Variants in PHACTR2 observed in about 807,000 individuals in gnomAD.
The protein encoded by PHACTR2 is chromosome 6 open reading frame 56.
In PHACTR2, 30 loss-of-function variants were observed where a neutral mutation model predicts 76.0. That is an observed-to-expected ratio of 0.39 (90% CI 0.30 to 0.54). PHACTR2 has a LOEUF of 0.54. Among genes scored for constraint, PHACTR2 ranks in the 20% least tolerant of loss-of-function variants. PHACTR2 has a pLI of 0.61. For missense variants in PHACTR2, 696 were observed against 781.1 expected, an observed-to-expected ratio of 0.89 and a Z score of 1.30; for synonymous variants, 292 against 292.5, an observed-to-expected ratio of 1.00 and a Z score of 0.02.
chr6:143,632,394 G>A (rs1226548988), intron 1 of PHACTR2, among the ~76,000 whole-genome samples: 2 of 152,166 alleles, frequency 1.3e-5, no homozygotes, highest in Non-Finnish European at 1.5e-5. Context: ...GCTAGAATTT[G>A]CAAATAAAGG....
At position 143,772,142 on chromosome 6, in the gene PHACTR2, C is replaced by G; in HGVS notation, c.1233-116C>G. 1 of 716,554 alleles carries G rather than the reference C, an allele frequency of 1.4e-6. No homozygotes were observed. The highest frequency in any genetic ancestry group is 1.6e-5 in the South Asian group (1 of 61,274). 44.4% of individuals were successfully genotyped at this position (716,554 alleles called of 1,614,324 possible). A position where few individuals can be genotyped will look rare whatever the true frequency, so the allele number is the denominator to read the frequency against. On this transcript the variant is annotated intron_variant, in intron 6 of 12. Transcript: ENST00000440869. This position sits in a 1 kb window ranked among gnomAD's most constrained non-coding sequence, Gnocchi z 5.4. Reference sequence around the variant, plus strand: ...CTTTAGCCTGGCCTATGTCAAGTGTCTGCTTTCCTCAGCCTGAAGGAAGCC... The same window carrying G: ...CTTTAGCCTGGCCTATGTCAAGTGTGTGCTTTCCTCAGCCTGAAGGAAGCC...
rs1582864088 is a variant in PHACTR2, at chr6:143,771,300, A to G, written c.1233-958A>G. Among the ~76,000 whole-genome samples the G allele has an allele frequency of 2.8e-5, 4 of 142,660 alleles. No homozygotes were observed. The East Asian group carries it at 8.1e-4, about 29-fold the overall frequency. The allele number at this position is 142,660 out of a possible 152,430, so 93.6% of individuals were successfully genotyped here. A position where few individuals can be genotyped will look rare whatever the true frequency, so the allele number is the denominator to read the frequency against. On this transcript the variant is annotated intron_variant, in intron 6 of 12. Transcript: ENST00000440869. ...ACCCAGGCTGGAGTACAGTGGTGCT[A>G]GCATGGCTCACTGCAGTCTCGATTT...
At chr6:143,582,195 C>T (rs1367195279) in intron 1 of PHACTR2, among the ~76,000 whole-genome samples, 1 of 152,142 alleles carries the variant, frequency 6.6e-6, no homozygotes, top group Non-Finnish European at 1.5e-5. Context: ...GCACCCAGCA[C>T]AATTCAGAGC....
chr6:143,651,754 T>C (rs1582737373), intron 1 of PHACTR2, among the ~76,000 whole-genome samples: 1 of 151,934 alleles, frequency 6.6e-6, no homozygotes, highest in East Asian at 1.9e-4. Context: ...GGGCTTAATA[T>C]CTAGGTGATG....
Position 143,627,011 on chromosome 6 carries a change from C to A in PHACTR2, c.13+18689C>A, listed in dbSNP as rs12202402. The stretch of plus-strand genomic sequence containing the variant: ...TTAGTGCTTTCCTTTGCCAACTTGG[C>A]GCTTCCTGCTCAGTGTATGTCAATA... On this transcript the variant is annotated intron_variant, in intron 1 of 11. Coordinates refer to the PHACTR2 transcript ENST00000305766. The surrounding 1 kb of genome is among the most constrained non-coding windows in gnomAD (Gnocchi z 4.3). Among the ~76,000 whole-genome samples the A allele has an allele frequency of 0.57, 86,684 of 152,144 alleles. 26,710 individuals are homozygous for A. The highest frequency in any genetic ancestry group is 0.7 in the Non-Finnish European group (47,847 of 67,992).
intron 6 of PHACTR2, among the ~76,000 whole-genome samples, chr6:143,771,188 A>ATG (rs1206917465): frequency 0.013 from 209 of 16,266 alleles, 3 homozygotes; most frequent in South Asian, 0.033. Flanking sequence ...ATATATATAT[A>ATG]TGTGTGTATA....
chr6:143,594,534 T>A (rs1775726822), intron 1 of PHACTR2, among the ~76,000 whole-genome samples: 1 of 152,258 alleles, frequency 6.6e-6, no homozygotes, highest in Non-Finnish European at 1.5e-5. Flanking sequence ...CCAATGTAAG[T>A]ATCCTGGTGG....
At position 143,761,581 on chromosome 6, in the gene PHACTR2, C is replaced by G. The variant is rs1779443152; in HGVS notation, c.694+941C>G. Among the ~76,000 whole-genome samples the G allele has an allele frequency of 6.6e-6, 1 of 152,110 alleles. No homozygotes were observed. Among genetic ancestry groups the G allele is most frequent in the African/African-American group, 2.4e-5 (1 of 41,418 alleles). ...CCAACCTGGTCAACATGGTGAAACC[C>G]TGTCTCTGCTAAAAATACAAGAATT... On this transcript the variant is annotated intron_variant, in intron 5 of 12. Coordinates refer to ENST00000440869, the MANE Select transcript of PHACTR2 (RefSeq NM_001100164.2). The surrounding 1 kb of genome is among the most constrained non-coding windows in gnomAD (Gnocchi z 5.2).
intron 1 of PHACTR2, among the ~76,000 whole-genome samples, chr6:143,690,484 A>G (rs1777619635): frequency 6.6e-6 from 1 of 151,856 alleles, no homozygotes; most frequent in South Asian, 2.1e-4. Flanking sequence ...CACGGGGTGT[A>G]TGGTTTTTGA....
chr6:143,552,951 T>C (rs1775113183), intron 1 of PHACTR2, among the ~76,000 whole-genome samples: 1 of 150,590 alleles, frequency 6.6e-6, no homozygotes, highest in African/African-American at 2.4e-5. Flanking sequence ...AAAAACACAT[T>C]GAAGAAACCT....
At chr6:143,651,973 A>G (rs1776770825) in intron 1 of PHACTR2, among the ~76,000 whole-genome samples, 1 of 151,844 alleles carries the variant, frequency 6.6e-6, no homozygotes. Context: ...CTACAAACCC[A>G]GAAGAAAGGC....
rs148738386 is a variant in PHACTR2 at position 143,540,220 on chromosome 6, C to G, written c.217+3013C>G. On this transcript the variant is annotated intron_variant, in intron 1 of 11. Transcript: ENST00000367584. ...GATAATTTCTAATCATGAGTTAACT[C>G]CCTGCTGTGGGTCCTTAGAAGAGTG... 3.7e-4 allele frequency among the ~76,000 whole-genome samples: 57 copies of G among 152,262 alleles called. No homozygotes were observed. The East Asian group carries it at 0.011, about 29-fold the overall frequency.
chr6:143,758,075 G>A (rs1289845439), intron 4 of PHACTR2, among the ~76,000 whole-genome samples: 1 of 152,174 alleles, frequency 6.6e-6, no homozygotes, highest in African/African-American at 2.4e-5. Flanking sequence ...ATTCTCTAAG[G>A]AGCCAGGAGA....
At chr6:143,626,508 T>C (rs903173007) in intron 1 of PHACTR2, among the ~76,000 whole-genome samples, 1 of 134,102 alleles carries the variant, frequency 7.5e-6, no homozygotes, top group African/African-American at 2.9e-5. Flanking sequence ...CTGCAGTCCA[T>C]CCTGGGCAGC....
At chr6:143,813,563 A>C (rs1179299090) in intron 12 of PHACTR2, among the ~76,000 whole-genome samples, 1 of 145,026 alleles carries the variant, frequency 6.9e-6, no homozygotes, top group Non-Finnish European at 1.5e-5. Flanking sequence ...GCTTGCAGTG[A>C]GCCGAGATCG....
chr6:143,704,593 G>A (rs1015993543), intron 1 of PHACTR2, among the ~76,000 whole-genome samples: 1 of 152,146 alleles, frequency 6.6e-6, no homozygotes, highest in Non-Finnish European at 1.5e-5. Flanking sequence ...GGTACAGAGA[G>A]ATCTTATATC....
Position 143,827,176 on chromosome 6 carries a change from ATATATATAT to A in PHACTR2, c.*3488_*3496del, listed in dbSNP as rs1562322752. 7.9e-6 allele frequency: 1 copy of A among 126,478 alleles called. No homozygotes were observed. Among genetic ancestry groups the A allele is most frequent in the African/African-American group, 3.1e-5 (1 of 32,476 alleles). 7.8% of individuals were successfully genotyped at this position (126,478 alleles called of 1,614,324 possible). A position where few individuals can be genotyped will look rare whatever the true frequency, so the allele number is the denominator to read the frequency against. On this transcript the variant is annotated 3_prime_UTR_variant, in exon 13 of 13. Coordinates refer to ENST00000440869, the MANE Select transcript of PHACTR2 (RefSeq NM_001100164.2). ...AGAAAATATATATATATATATATAT[ATATATATAT>A]ATATATATATATATGTATATTATAT...
At chr6:143,718,340 T>C (rs1343912426) in intron 2 of PHACTR2, among the ~76,000 whole-genome samples, 1 of 152,248 alleles carries the variant, frequency 6.6e-6, no homozygotes, top group Non-Finnish European at 1.5e-5. Flanking sequence ...CCAGTTCTAC[T>C]GATGAGGAGA....
chr6:143,678,206 A>G lies in PHACTR2; in HGVS notation c.43A>G (p.Ser15Gly). The G allele has an allele frequency of 6.5e-7, 1 of 1,535,116 alleles. No homozygotes were observed. Among genetic ancestry groups the G allele is most frequent in the Non-Finnish European group, 8.8e-7 (1 of 1,140,450 alleles). The part of the protein sequence containing the change: ...SVSTLSPQPG[S>G]VDGLDKASIA... ...GTCCACGCTGTCCCCGCAGCCCGGC[A>G]GCGGTGAGTCCGGGGCGCACGCGAT... The change falls in exon 1 of 13, where the codon AGC becomes GGC. Residue 15 changes from serine (S) to glycine (G), a missense_variant. Coordinates refer to ENST00000440869, the MANE Select transcript of PHACTR2 (RefSeq NM_001100164.2). The surrounding 1 kb of genome is among the most constrained non-coding windows in gnomAD (Gnocchi z 6.2).
Sources: allele counts gnomAD v4.1 joint callset (sites outside exome capture counted in the v4.1 genomes callset), GRCh38; gene constraint gnomAD v4.1.1; non-coding constraint Gnocchi (gnomAD v3.1); transcripts MANE v1.5; gene names NCBI Gene and HGNC (gene_info 2026-07-23, HGNC 2026-07-21).